Variants in SENP6 observed in about 807,000 individuals in gnomAD.
The protein encoded by SENP6 is SUMO specific peptidase 6, also known as sentrin-specific protease 6.
Under a neutral mutation model 134.5 loss-of-function variants are expected in SENP6, and 41 were observed. The observed-to-expected ratio is 0.30, with a 90% CI of 0.24 to 0.40. SENP6 has a LOEUF of 0.40. SENP6 is among the 10% of genes least tolerant of loss of function. The pLI is 1.00. For synonymous variants in SENP6, 395 were observed against 429.8 expected, an observed-to-expected ratio of 0.92 and a Z score of 1.00; for missense variants, 1,248 against 1,312.5, an observed-to-expected ratio of 0.95 and a Z score of 0.76.
chr6:75,607,468 G>C (rs1309567480), intron 1 of SENP6, among the ~76,000 whole-genome samples: 1 of 151,722 alleles, frequency 6.6e-6, no homozygotes, highest in Non-Finnish European at 1.5e-5. Context: ...TTCACTCTGG[G>C]GGCTCTAACA....
At chr6:75,602,701 A>G (rs1410278025) in intron 1 of SENP6, 125 bp downstream of exon 1, 12 of 972,868 alleles carry the variant, frequency 1.2e-5, no homozygotes, top group Non-Finnish European at 1.7e-5. Flanking sequence ...ACGAGGGATG[A>G]GCGATGACGG....
rs7772914 is a variant in SENP6, at chr6:75,612,597, T to C, written c.53-8935T>C. On this transcript the variant is annotated intron_variant, in intron 1 of 23. Transcript: ENST00000447266. ...CTCTTGCCTTAGCCACCCAAAACGC[T>C]AGGATTATAGGTGTGAGCTGTCTGA... is the stretch of plus-strand genomic sequence containing the variant. 2.5e-3 allele frequency among the ~76,000 whole-genome samples: 374 copies of C among 152,242 alleles called. 1 individual carries two copies. Among genetic ancestry groups the C allele is most frequent in the African/African-American group, 8.4e-3 (350 of 41,540 alleles).
chr6:75,635,537 T>C (rs1299366013), intron 5 of SENP6, among the ~76,000 whole-genome samples: 2 of 152,182 alleles, frequency 1.3e-5, no homozygotes, highest in Non-Finnish European at 2.9e-5. Context: ...AACCTTGCTA[T>C]ATTTTTCTGT....
At chr6:75,715,328 T>C in intron 23 of SENP6, 57 bp from the exon 24 acceptor site, 1 of 1,270,516 alleles carries the variant, frequency 7.9e-7, no homozygotes, top group Non-Finnish European at 1.1e-6. Context: ...GTTTCTGTGA[T>C]TGAAATGAAA....
chr6:75,696,053 G>A (rs1774639110), intron 17 of SENP6, 130 bp downstream of exon 17: 2 of 770,136 alleles, frequency 2.6e-6, no homozygotes, highest in Non-Finnish European at 3.9e-6. Context: ...CTCCAGCCAG[G>A]AAGAGAACAC....
chr6:75,635,267 T>A (rs1561988673), intron 5 of SENP6, among the ~76,000 whole-genome samples: 1 of 152,140 alleles, frequency 6.6e-6, no homozygotes, highest in Non-Finnish European at 1.5e-5. Context: ...GATTTAGGAG[T>A]TCTCATTGAT....
chr6:75,671,483 G>A (rs1000127566), intron 11 of SENP6, among the ~76,000 whole-genome samples: 11 of 152,150 alleles, frequency 7.2e-5, no homozygotes, highest in Non-Finnish European at 1.3e-4. Flanking sequence ...CAGCACTTTG[G>A]GAGGCCAAGG....
chr6:75,655,683 C>T (rs1483134808), intron 7 of SENP6, among the ~76,000 whole-genome samples: 3 of 152,072 alleles, frequency 2.0e-5, no homozygotes, highest in South Asian at 2.1e-4. Context: ...AGTTATTTAT[C>T]GATTTTCCTG....
chr6:75,631,191 G>T (rs1265063997), intron 3 of SENP6, among the ~76,000 whole-genome samples: 1 of 151,912 alleles, frequency 6.6e-6, no homozygotes, highest in Non-Finnish European at 1.5e-5. Flanking sequence ...CTAACTTAAT[G>T]GTTTCTATTA....
chr6:75,657,938 G>A (rs750256491), intron 7 of SENP6, among the ~76,000 whole-genome samples: 19 of 152,074 alleles, frequency 1.2e-4, no homozygotes, highest in Non-Finnish European at 2.2e-4. Flanking sequence ...GATTGAAACA[G>A]GAACTTCTGC....
chr6:75,690,760 A>G (rs974166919), intron 16 of SENP6, among the ~76,000 whole-genome samples: 40 of 151,324 alleles, frequency 2.6e-4, no homozygotes, highest in Admixed American at 5.9e-4. Context: ...CAGTGGTGCA[A>G]TCTCGGCTCA....
chr6:75,650,960 T>G (rs553725002), intron 7 of SENP6, among the ~76,000 whole-genome samples: 7 of 152,332 alleles, frequency 4.6e-5, no homozygotes, highest in African/African-American at 1.7e-4. Context: ...TATTTTGAAT[T>G]TGAGGCACTT....
intron 3 of SENP6, among the ~76,000 whole-genome samples, chr6:75,632,684 T>G (rs1189033119): frequency 6.6e-6 from 1 of 152,190 alleles, no homozygotes; most frequent in Non-Finnish European, 1.5e-5. Context: ...TTGCATTACC[T>G]GGAAAACTGT....
At chr6:75,603,184 G>A (rs1029349693) in intron 1 of SENP6, among the ~76,000 whole-genome samples, 2 of 152,136 alleles carry the variant, frequency 1.3e-5, no homozygotes, top group African/African-American at 4.8e-5. Flanking sequence ...TTTTGGGGCC[G>A]TAACTAAAGC....
chr6:75,682,618 A>G (rs1773544011), intron 16 of SENP6, among the ~76,000 whole-genome samples: 1 of 151,952 alleles, frequency 6.6e-6, no homozygotes, highest in Non-Finnish European at 1.5e-5. Flanking sequence ...AAGTGATCTC[A>G]TTGTTCAGTT....
chr6:75,633,045 T>C (rs1373373753), intron 3 of SENP6, among the ~76,000 whole-genome samples: 2 of 152,224 alleles, frequency 1.3e-5, no homozygotes, highest in Non-Finnish European at 2.9e-5. Context: ...AAATTTATTT[T>C]GCTCCTTTTG....
In SENP6 at chr6:75,717,852, T is replaced by C. The variant is rs1776084890; in HGVS notation, c.*2258T>C. ...GGATAGAATAACAGTTAATCATTTT[T>C]AGAAGAGTTTTAGATTACTTGCCAT... On this transcript the variant is annotated 3_prime_UTR_variant, in exon 24 of 24. Transcript: ENST00000447266. 6.6e-6 allele frequency: 1 copy of C among 152,186 alleles called. No homozygotes were observed. The highest frequency in any genetic ancestry group is 1.5e-5 in the Non-Finnish European group (1 of 68,008). 9.4% of individuals were successfully genotyped at this position (152,186 alleles called of 1,614,324 possible).
At chr6:75,680,016 A>G (rs1773355608) in intron 16 of SENP6, 1 of 152,228 alleles carries the variant, frequency 6.6e-6, no homozygotes, top group South Asian at 2.1e-4. Flanking sequence ...TAGGCATGAC[A>G]TCGTGGAAGT....
chr6:75,650,541 C>T (rs112416221), intron 7 of SENP6, among the ~76,000 whole-genome samples: 2,419 of 152,168 alleles, frequency 0.016, 65 homozygotes, highest in African/African-American at 0.056. Flanking sequence ...TAGGGAAGAT[C>T]TGTACCTTCC....
Sources: gnomAD v4.1 joint callset for allele counts (sites outside exome capture counted in the v4.1 genomes callset) on GRCh38, gnomAD v4.1.1 for gene constraint, MANE v1.5 for transcripts, NCBI Gene and HGNC (gene_info 2026-07-23, HGNC 2026-07-21) for gene names.